CSMD1: variants seen among roughly 807,000 people sequenced by gnomAD.
The protein encoded by CSMD1 is CUB and sushi domain-containing protein 1.
CSMD1 carries 213 observed loss-of-function variants against 417.5 expected under a neutral mutation model. That is an observed-to-expected ratio of 0.51 (90% confidence interval 0.46 to 0.57). CSMD1 has a LOEUF of 0.57. Ranked by LOEUF, CSMD1 falls within the 20% of genes least tolerant of loss-of-function variation. CSMD1 has a pLI of 0.00. For synonymous variants in CSMD1, 2,862 were observed against 1,736.8 expected, an observed-to-expected ratio of 1.65 and a Z score of -16.11; for missense variants, 6,923 against 4,529.7, an observed-to-expected ratio of 1.53 and a Z score of -15.17.
intron 1 of CSMD1, among the ~76,000 whole-genome samples, chr8:4,911,899 T>G (rs1397165417): frequency 6.6e-6 from 1 of 152,038 alleles, no homozygotes; most frequent in African/African-American, 2.4e-5. Flanking sequence ...TCAGAAAAAT[T>G]ACTAGACAGG....
chr8:4,484,555 G>A (rs959772980), intron 2 of CSMD1, among the ~76,000 whole-genome samples: 1 of 152,086 alleles, frequency 6.6e-6, no homozygotes, highest in Non-Finnish European at 1.5e-5. Context: ...GAGTCATACT[G>A]AATACACAGA....
At chr8:4,700,596 AATTGGGT>A (rs1236291196) in intron 1 of CSMD1, among the ~76,000 whole-genome samples, 1 of 152,188 alleles carries the variant, frequency 6.6e-6, no homozygotes, top group Non-Finnish European at 1.5e-5. Context: ...TTAGTGAAAT[AATTGGGT>A]ATCATTAACA....
intron 12 of CSMD1, among the ~76,000 whole-genome samples, chr8:3,456,500 G>T (rs756477782): frequency 6.6e-6 from 1 of 152,152 alleles, no homozygotes; most frequent in Admixed American, 6.5e-5. Flanking sequence ...AAGGCCTTGT[G>T]AATGATGTCA....
At chr8:3,101,715 G>C (rs191696206) in intron 46 of CSMD1, among the ~76,000 whole-genome samples, 1 of 151,530 alleles carries the variant, frequency 6.6e-6, no homozygotes, top group Non-Finnish European at 1.5e-5. Flanking sequence ...ATGAGCCACC[G>C]CATCCGACCA....
chr8:3,898,501 C>T (rs1257207766), intron 5 of CSMD1, among the ~76,000 whole-genome samples: 2 of 152,142 alleles, frequency 1.3e-5, no homozygotes, highest in African/African-American at 2.4e-5. Context: ...CCTACTGTTC[C>T]AGAGAATACC....
chr8:4,412,770 C>G (rs1276349337), intron 3 of CSMD1, among the ~76,000 whole-genome samples: 2 of 152,092 alleles, frequency 1.3e-5, no homozygotes, highest in Non-Finnish European at 2.9e-5. Context: ...TACATTGATA[C>G]CTATACTGAT....
At chr8:4,464,293 C>A (rs1372711597) in intron 2 of CSMD1, among the ~76,000 whole-genome samples, 1 of 151,904 alleles carries the variant, frequency 6.6e-6, no homozygotes, top group Non-Finnish European at 1.5e-5. Context: ...ATTATGTATG[C>A]ATGCAATGGA....
At chr8:4,157,257 A>G (rs1471588840) in intron 3 of CSMD1, among the ~76,000 whole-genome samples, 1 of 152,176 alleles carries the variant, frequency 6.6e-6, no homozygotes, top group Non-Finnish European at 1.5e-5. Context: ...CCGTTTGTCT[A>G]CATCCTGTCT....
chr8:4,408,718 T>C (rs978216483), intron 3 of CSMD1, among the ~76,000 whole-genome samples: 1 of 152,154 alleles, frequency 6.6e-6, no homozygotes, highest in Non-Finnish European at 1.5e-5. Flanking sequence ...GCTCTCAGAA[T>C]ATGAACCTTG....
chr8:3,457,810 G>T (rs1179229286), intron 12 of CSMD1, among the ~76,000 whole-genome samples: 1 of 152,170 alleles, frequency 6.6e-6, no homozygotes, highest in Non-Finnish European at 1.5e-5. Flanking sequence ...GTAAAAGTGG[G>T]TCCTTGTTGT....
At chr8:4,206,088 G>T (rs916947767) in intron 3 of CSMD1, among the ~76,000 whole-genome samples, 1 of 152,122 alleles carries the variant, frequency 6.6e-6, no homozygotes, top group East Asian at 1.9e-4. Context: ...GACAGAAAGT[G>T]AGTAAATAGG....
chr8:3,841,561 A>T (rs1803132788), intron 5 of CSMD1, among the ~76,000 whole-genome samples: 1 of 152,166 alleles, frequency 6.6e-6, no homozygotes, highest in African/African-American at 2.4e-5. Flanking sequence ...TATCAATTAA[A>T]TTGTTTATCA....
chr8:3,572,327 G>C (rs1333339712), intron 10 of CSMD1, among the ~76,000 whole-genome samples: 1 of 152,144 alleles, frequency 6.6e-6, no homozygotes, highest in Non-Finnish European at 1.5e-5. Flanking sequence ...AGTTGAGGGA[G>C]GGCTGAGGCT....
At chr8:3,777,003 C>A (rs1450827862) in intron 5 of CSMD1, among the ~76,000 whole-genome samples, 3 of 151,778 alleles carry the variant, frequency 2.0e-5, no homozygotes, top group East Asian at 1.9e-4. Flanking sequence ...CATGACCCCC[C>A]ACATCTGACC....
intron 5 of CSMD1, among the ~76,000 whole-genome samples, chr8:3,903,221 C>G (rs1360757692): frequency 6.6e-6 from 1 of 151,996 alleles, no homozygotes; most frequent in Non-Finnish European, 1.5e-5. Context: ...CACCAGTGGC[C>G]TCTAAAATTT....
At chr8:3,914,235 T>C (rs1808651753) in intron 5 of CSMD1, among the ~76,000 whole-genome samples, 1 of 152,024 alleles carries the variant, frequency 6.6e-6, no homozygotes, top group Non-Finnish European at 1.5e-5. Context: ...AGGGCTAGAA[T>C]AGAGTAGATA....
intron 10 of CSMD1, among the ~76,000 whole-genome samples, chr8:3,508,632 T>G (rs565022102): frequency 1.3e-5 from 2 of 152,348 alleles, no homozygotes; most frequent in South Asian, 4.1e-4. Context: ...ATCACTGATT[T>G]ATTCAATCAC....
chr8:4,655,163 A>C (rs1297119030), intron 1 of CSMD1, among the ~76,000 whole-genome samples: 1 of 152,070 alleles, frequency 6.6e-6, no homozygotes, highest in Non-Finnish European at 1.5e-5. Context: ...GACTTTACCA[A>C]AATGTTATTC....
chr8:3,179,773 T>C (rs1420122695), intron 37 of CSMD1, among the ~76,000 whole-genome samples: 3 of 152,210 alleles, frequency 2.0e-5, no homozygotes, highest in African/African-American at 7.2e-5. Flanking sequence ...TCACAAAGTA[T>C]ATCAAAGTAG....
Sources: allele counts gnomAD v4.1 joint callset (sites outside exome capture counted in the v4.1 genomes callset), GRCh38; gene constraint gnomAD v4.1.1; transcripts MANE v1.5; gene names NCBI Gene and HGNC (gene_info 2026-07-23, HGNC 2026-07-21).